Variants in ZBBX observed in about 807,000 individuals in gnomAD.
The protein encoded by ZBBX is zinc finger B-box domain containing.
ZBBX carries 101 observed loss-of-function variants against 108.5 expected under a neutral mutation model. The observed-to-expected ratio is 0.93, with a 90% CI of 0.79 to 1.10. The LOEUF is 1.10. Among genes scored for constraint, ZBBX ranks in the 50% least tolerant of loss-of-function variants. The pLI, the probability that ZBBX is intolerant of heterozygous loss-of-function variation, is 0.00. For missense variants in ZBBX, 1,009 were observed against 941.4 expected (o/e 1.07, Z -0.94); for synonymous variants, 356 against 323.4 (o/e 1.10, Z -1.08).
At chr3:167,249,099 C>T (rs1353778219) in intron 20 of ZBBX, among the ~76,000 whole-genome samples, 1 of 152,228 alleles carries the variant, frequency 6.6e-6, no homozygotes, top group Non-Finnish European at 1.5e-5. Flanking sequence ...CTAGGACTGC[C>T]TTGAGCCTCA....
At chr3:167,345,507 T>C (rs925277549) in intron 9 of ZBBX, among the ~76,000 whole-genome samples, 5 of 151,812 alleles carry the variant, frequency 3.3e-5, no homozygotes, top group African/African-American at 1.2e-4. Flanking sequence ...AATTCATACA[T>C]TTTTTCAAAA....
intron 17 of ZBBX, among the ~76,000 whole-genome samples, chr3:167,305,275 T>C (rs925876057): frequency 2.6e-5 from 4 of 152,158 alleles, no homozygotes; most frequent in Admixed American, 6.6e-5. Context: ...ATTTATTTCA[T>C]TTTGACCATT....
chr3:167,241,018 G>T, intron 21 of ZBBX, 99 bp from the exon 22 acceptor site: 1 of 1,402,786 alleles, frequency 7.1e-7, no homozygotes, highest in Non-Finnish European at 9.6e-7. Flanking sequence ...AGTTGCTGGA[G>T]GCAAGCAGAT....
Position 167,350,504 on chromosome 3 carries a change from T to A in ZBBX, c.444A>T (p.Glu148Asp). The A allele has an allele frequency of 6.3e-7, 1 of 1,581,624 alleles. No individual in the cohort carries two copies. The highest frequency in any genetic ancestry group is 8.6e-7 in the Non-Finnish European group (1 of 1,161,496). ...ATCCTGAACAATAATCTTCTCCACA[T>A]TCAAGGCATACCTAAAAAGATATTT... is the stretch of plus-strand genomic sequence containing the variant. ...ENKAALLVCL[E>D]CGEDYCSGCF... is the part of the protein sequence containing the mutation. Residue 148 changes from glutamate to aspartate, a missense_variant, in exon 9 of 22, where the codon GAA becomes GAT. Physicochemically the swap from Glu to Asp is conservative, Grantham distance 45. Transcript: ENST00000675490.
chr3:167,310,987 C>A (rs1367519399), intron 16 of ZBBX, among the ~76,000 whole-genome samples: 2 of 151,926 alleles, frequency 1.3e-5, no homozygotes, highest in African/African-American at 2.4e-5. Flanking sequence ...AACAAATGAC[C>A]CAGGATAGTG....
At chr3:167,345,795 C>T (rs544324919) in intron 9 of ZBBX, among the ~76,000 whole-genome samples, 8 of 151,916 alleles carry the variant, frequency 5.3e-5, no homozygotes, top group South Asian at 4.1e-4. Context: ...GGAGGCATCA[C>T]GCTACCTGAC....
intron 1 of ZBBX, among the ~76,000 whole-genome samples, chr3:167,402,492 C>G (rs894583906): frequency 6.6e-6 from 1 of 151,910 alleles, no homozygotes; most frequent in African/African-American, 2.4e-5. Context: ...AAATAAAAAC[C>G]CAGTGTTAAT....
intron 9 of ZBBX, among the ~76,000 whole-genome samples, chr3:167,347,613 G>A (rs553761208): frequency 4.6e-5 from 7 of 152,118 alleles, no homozygotes; most frequent in South Asian, 2.1e-4. Context: ...CAAAAAAGCT[G>A]TCTCCTTCAA....
intron 11 of ZBBX, among the ~76,000 whole-genome samples, chr3:167,323,733 T>C (rs1176531168): frequency 3.3e-5 from 5 of 152,168 alleles, no homozygotes; most frequent in African/African-American, 7.2e-5. Context: ...CCTTAATAGA[T>C]AGTGCAAAAG....
At chr3:167,331,914 C>T (rs553559259) in intron 10 of ZBBX, among the ~76,000 whole-genome samples, 16 of 152,094 alleles carry the variant, frequency 1.1e-4, no homozygotes, top group Non-Finnish European at 2.2e-4. Context: ...TAAGCTCTTT[C>T]GTGAACTGTA....
At chr3:167,366,049 G>A in intron 5 of ZBBX, 73 bp from the exon 6 acceptor site, 2 of 1,174,632 alleles carry the variant, frequency 1.7e-6, no homozygotes, top group Admixed American at 2.3e-5. Flanking sequence ...GAAATACAGT[G>A]TTCCTGTTTC....
intron 20 of ZBBX, among the ~76,000 whole-genome samples, chr3:167,280,277 A>C (rs888266454): frequency 2.0e-5 from 3 of 151,578 alleles, no homozygotes; most frequent in Non-Finnish European, 4.4e-5. Context: ...CAGCTTCTGC[A>C]CAGCAAAAAA....
At chr3:167,373,510 A>C (rs922219781) in intron 3 of ZBBX, among the ~76,000 whole-genome samples, 196 bp downstream of exon 3, 1 of 152,214 alleles carries the variant, frequency 6.6e-6, no homozygotes, top group African/African-American at 2.4e-5. Context: ...CCAATCCCCC[A>C]AAAATCTGTG....
chr3:167,357,672 C>A (rs1273306431), intron 8 of ZBBX, among the ~76,000 whole-genome samples: 2 of 152,050 alleles, frequency 1.3e-5, no homozygotes, highest in African/African-American at 4.8e-5. Context: ...TATTATTCAG[C>A]CTTAAAAAAT....
rs1223399188 is a variant in ZBBX at position 167,289,002 on chromosome 3, A to G, written c.1880-19T>C. ...CTGTCTTCTGAAATTGAAAAACAGT[A>G]AGATAACATAAAGTTTGAAAAGAAG... On this transcript the variant is annotated intron_variant, in intron 18 of 21. Coordinates refer to ENST00000675490, the MANE Select transcript of ZBBX (RefSeq NM_001199201.2). The G allele has an allele frequency of 6.7e-7, 1 of 1,496,174 alleles. No homozygotes were observed. The highest frequency in any genetic ancestry group is 9.0e-7 in the Non-Finnish European group (1 of 1,110,302). The allele number at this position is 1,496,174 out of a possible 1,614,324, so 92.7% of individuals were successfully genotyped here.
chr3:167,213,697 T>C, the ZBBX span, among the ~76,000 whole-genome samples: 1 of 152,058 alleles, frequency 6.6e-6, no homozygotes, highest in African/African-American at 2.4e-5. Flanking sequence ...TACAGTGAAC[T>C]CCTGCAAGAT....
At chr3:167,358,935 CAAAAAAAAAAAAA>C (rs59753251) in intron 8 of ZBBX, among the ~76,000 whole-genome samples, 2 of 66,230 alleles carry the variant, frequency 3.0e-5, no homozygotes, top group Non-Finnish European at 5.1e-5. Flanking sequence ...GACTCCATCT[CAAAAAAAAAAAAA>C]AAAAAAAAAA....
At chr3:167,370,981 G>A (rs1461520807) in intron 4 of ZBBX, among the ~76,000 whole-genome samples, 1 of 152,086 alleles carries the variant, frequency 6.6e-6, no homozygotes, top group Non-Finnish European at 1.5e-5. Context: ...TGGTTTAGGG[G>A]CTGAGAAAGA....
the ZBBX span, among the ~76,000 whole-genome samples, chr3:167,202,446 A>G: frequency 1.4e-4 from 22 of 152,086 alleles, no homozygotes; most frequent in African/African-American, 4.3e-4. Flanking sequence ...ACTAATCAAT[A>G]TGATCAAGTA....
Sources: gnomAD v4.1 joint callset for allele counts (sites outside exome capture counted in the v4.1 genomes callset) on GRCh38, gnomAD v4.1.1 for gene constraint, MANE v1.5 for transcripts, NCBI Gene and HGNC (gene_info 2026-07-23, HGNC 2026-07-21) for gene names.